Variants in TMEM132B observed in about 807,000 individuals in gnomAD.
The protein encoded by TMEM132B is transmembrane protein 132B.
In TMEM132B, 18 loss-of-function variants were observed where a neutral mutation model predicts 90.8. The observed-to-expected ratio is 0.20, with a 90% CI of 0.14 to 0.29. The LOEUF (loss-of-function observed/expected upper bound fraction) is 0.29, where lower values mean the gene tolerates loss of function less well. Ranked by LOEUF, TMEM132B falls within the 10% of genes least tolerant of loss-of-function variation. The pLI, the probability that TMEM132B is intolerant of heterozygous loss-of-function variation, is 1.00. For missense variants in TMEM132B, 1,096 were observed against 1,326.8 expected, an observed-to-expected ratio of 0.83 and a Z score of 2.70; for synonymous variants, 504 against 523.3, an observed-to-expected ratio of 0.96 and a Z score of 0.50.
At chr12:125,430,901 C>G (rs959729253) in intron 3 of TMEM132B, among the ~76,000 whole-genome samples, 4 of 152,282 alleles carry the variant, frequency 2.6e-5, no homozygotes, top group Non-Finnish European at 2.9e-5. Context: ...GGGAGGGCCT[C>G]TCTGACGAGC....
chr12:125,558,048 C>T (rs1309917887), intron 4 of TMEM132B, among the ~76,000 whole-genome samples: 2 of 152,182 alleles, frequency 1.3e-5, no homozygotes, highest in Admixed American at 1.3e-4. Flanking sequence ...GGCTTTCAGA[C>T]AATTGATTTT....
At chr12:125,322,235 T>G (rs919306302) in intron 1 of TMEM132B, among the ~76,000 whole-genome samples, 3 of 152,166 alleles carry the variant, frequency 2.0e-5, no homozygotes, top group Non-Finnish European at 4.4e-5. Flanking sequence ...CTGATGGTTT[T>G]ATAAAGGGCA....
Position 125,478,380 on chromosome 12 carries a change from C to T in TMEM132B, c.1107-41059C>T, listed in dbSNP as rs551954683. On this transcript the variant is annotated intron_variant, in intron 3 of 8. Transcript: ENST00000682704. Reference sequence around the variant, plus strand: ...CTAAAAACCTTGAAAAGAGATTAGACGGATGGCTAACTAGAATAAACAGTG... The same window carrying T: ...CTAAAAACCTTGAAAAGAGATTAGATGGATGGCTAACTAGAATAAACAGTG... Among the ~76,000 whole-genome samples, 55 of 152,208 alleles carry T rather than the reference C, an allele frequency of 3.6e-4. 1 individual carries two copies. The highest frequency in any genetic ancestry group is 6.0e-4 in the Non-Finnish European group (41 of 68,000).
chr12:125,408,546 T>C lies in TMEM132B; in HGVS notation c.960-6985T>C, dbSNP rs933092306. 6.6e-6 allele frequency among the ~76,000 whole-genome samples: 1 copy of C among 152,200 alleles called. No individual in the cohort carries two copies. Among genetic ancestry groups the C allele is most frequent in the Middle Eastern group, 3.2e-3 (1 of 316 alleles). ...GCTCTTGGACTTCAGCCTCCAGAACTGTGAGAAATAAATTTCTGTTGTTTA... is the reference window on the plus strand; with the variant it reads ...GCTCTTGGACTTCAGCCTCCAGAACCGTGAGAAATAAATTTCTGTTGTTTA... On this transcript the variant is annotated intron_variant, in intron 2 of 8. Transcript: ENST00000682704. This position sits in a 1 kb window ranked among gnomAD's most constrained non-coding sequence, Gnocchi z 5.9.
chr12:125,441,164 TG>T (rs1880857982), intron 3 of TMEM132B, among the ~76,000 whole-genome samples: 1 of 152,234 alleles, frequency 6.6e-6, no homozygotes, highest in Non-Finnish European at 1.5e-5. Context: ...ATTTCATCAA[TG>T]TAAAGTGCTT....
chr12:125,450,061 T>G (rs1566039789), intron 3 of TMEM132B, among the ~76,000 whole-genome samples: 1 of 152,216 alleles, frequency 6.6e-6, no homozygotes, highest in Non-Finnish European at 1.5e-5. Flanking sequence ...TGTATGTGTA[T>G]GTGGATTTGT....
chr12:125,277,097 T>C lies in TMEM132B; in HGVS notation c.68-72355T>C, dbSNP rs886298120. Among the ~76,000 whole-genome samples the C allele has an allele frequency of 1.3e-5, 2 of 152,136 alleles. No individual in the cohort carries two copies. The highest frequency in any genetic ancestry group is 4.8e-5 in the African/African-American group (2 of 41,434). On this transcript the variant is annotated intron_variant, in intron 1 of 8. Coordinates refer to ENST00000682704, the MANE Select transcript of TMEM132B (RefSeq NM_001366854.1). The surrounding 1 kb of genome is among the most constrained non-coding windows in gnomAD (Gnocchi z 4.3). The stretch of plus-strand genomic sequence containing the variant: ...ACTAATACTTGTGAACATGACCTAG[T>C]TGGGAAAGAGTGTCTTTGCATATGT...
chr12:125,454,957 A>C (rs1881252425), intron 3 of TMEM132B, among the ~76,000 whole-genome samples: 1 of 152,230 alleles, frequency 6.6e-6, no homozygotes, highest in Non-Finnish European at 1.5e-5. Flanking sequence ...CTCATTAAAA[A>C]CTTAAAATAC....
intron 5 of TMEM132B, among the ~76,000 whole-genome samples, chr12:125,620,665 T>C (rs1007130787): frequency 6.6e-6 from 1 of 152,214 alleles, no homozygotes; most frequent in Non-Finnish European, 1.5e-5. Flanking sequence ...AGAGTTTTAA[T>C]TGACACACAG....
At chr12:125,414,202 G>T (rs1237334787) in intron 2 of TMEM132B, among the ~76,000 whole-genome samples, 2 of 152,140 alleles carry the variant, frequency 1.3e-5, no homozygotes, top group African/African-American at 4.8e-5. Context: ...TTTTGTTGTT[G>T]ATTTTGTAGG....
chr12:125,454,655 T>A (rs1289728587), intron 3 of TMEM132B, among the ~76,000 whole-genome samples: 1 of 152,274 alleles, frequency 6.6e-6, no homozygotes, highest in African/African-American at 2.4e-5. Context: ...AAAGGATTTA[T>A]AAATATAGTT....
chr12:125,304,995 AG>A (rs1170270604), intron 1 of TMEM132B, among the ~76,000 whole-genome samples: 1 of 152,130 alleles, frequency 6.6e-6, no homozygotes, highest in African/African-American at 2.4e-5. Flanking sequence ...TCTTGTTGGA[AG>A]TAAGACATTT....
intron 1 of TMEM132B, among the ~76,000 whole-genome samples, chr12:125,343,554 A>G (rs1478508846): frequency 6.6e-6 from 1 of 152,192 alleles, no homozygotes; most frequent in African/African-American, 2.4e-5. Context: ...AGAAAGTGGA[A>G]AGCCTTTGGA....
At chr12:125,640,646 C>T (rs1478962124) in intron 5 of TMEM132B, among the ~76,000 whole-genome samples, 1 of 146,314 alleles carries the variant, frequency 6.8e-6, no homozygotes, top group Non-Finnish European at 1.5e-5. Flanking sequence ...GCAGAGGAGA[C>T]AGCCCTGGGC....
chr12:125,654,134 C>G lies in TMEM132B; in HGVS notation c.2676C>G (p.Leu892=). The G allele has an allele frequency of 6.2e-7, 1 of 1,614,224 alleles. No individual in the cohort carries two copies. Among genetic ancestry groups the G allele is most frequent in the African/African-American group, 1.3e-5 (1 of 75,064 alleles). ...CGGACCCCAATAATCCTAGTGACCT[C>G]ACAGTGACCTCAAGGGGGCTAACGG... The part of the protein sequence containing the change: ...KSPDPNNPSD[L]TVTSRGLTDL... The change falls in exon 9 of 9, where the codon CTC becomes CTG. Residue 892 remains leucine, a synonymous_variant. Transcript: ENST00000682704. This position sits in a 1 kb window ranked among gnomAD's most constrained non-coding sequence, Gnocchi z 5.8.
chr12:125,345,674 G>A (rs1877334428), intron 1 of TMEM132B, among the ~76,000 whole-genome samples: 1 of 152,168 alleles, frequency 6.6e-6, no homozygotes, highest in South Asian at 2.1e-4. Context: ...TGCACCTTGT[G>A]TTCTCTCTGA....
intron 4 of TMEM132B, among the ~76,000 whole-genome samples, chr12:125,565,461 T>C (rs1884638271): frequency 6.6e-6 from 1 of 152,258 alleles, no homozygotes; most frequent in Non-Finnish European, 1.5e-5. Context: ...CCATCTGTGA[T>C]GGCTTAAGTG....
chr12:125,552,099 C>T (rs1884243195), intron 4 of TMEM132B, among the ~76,000 whole-genome samples: 1 of 152,162 alleles, frequency 6.6e-6, no homozygotes, highest in African/African-American at 2.4e-5. Context: ...AATACTCAAG[C>T]TCATTTAAAA....
intron 1 of TMEM132B, among the ~76,000 whole-genome samples, chr12:125,339,935 A>G (rs543165059): frequency 1.8e-4 from 28 of 152,240 alleles, no homozygotes; most frequent in Non-Finnish European, 2.8e-4. Flanking sequence ...ACACTCCTAC[A>G]TAATAAACTG....
Sources: gnomAD v4.1 joint callset for allele counts (sites outside exome capture counted in the v4.1 genomes callset) on GRCh38, gnomAD v4.1.1 for gene constraint, Gnocchi (gnomAD v3.1) non-coding constraint, MANE v1.5 for transcripts, NCBI Gene and HGNC (gene_info 2026-07-23, HGNC 2026-07-21) for gene names.